Variants in TMPRSS12 observed in about 807,000 individuals in gnomAD.
TMPRSS12 encodes the protein transmembrane serine protease 12.
Under a neutral mutation model 26.0 loss-of-function variants are expected in TMPRSS12, and 25 were observed. That is an observed-to-expected ratio of 0.96 (90% CI 0.70 to 1.34). The LOEUF (loss-of-function observed/expected upper bound fraction) is 1.34, where lower values mean the gene tolerates loss of function less well. Ranked by LOEUF, TMPRSS12 falls within the 40% of genes most tolerant of loss-of-function variation. The pLI is 0.00. For synonymous variants in TMPRSS12, 150 were observed against 161.7 expected (o/e 0.93, Z 0.55); for missense variants, 441 against 440.1 (o/e 1.00, Z -0.02).
At chr12:50,844,502 T>C (rs1159748979) in intron 2 of TMPRSS12, among the ~76,000 whole-genome samples, 1 of 151,794 alleles carries the variant, frequency 6.6e-6, no homozygotes, top group Non-Finnish European at 1.5e-5. Flanking sequence ...GCCCCCGGAG[T>C]AGCTGGAATT....
At chr12:50,869,175 A>G (rs1164683394) in intron 3 of TMPRSS12, among the ~76,000 whole-genome samples, 2 of 83,684 alleles carry the variant, frequency 2.4e-5, no homozygotes, top group Admixed American at 1.3e-4. Flanking sequence ...TGAAATTGAA[A>G]CAAAAAAAAA....
intron 3 of TMPRSS12, among the ~76,000 whole-genome samples, chr12:50,881,067 T>C (rs10876109): frequency 0.77 from 113,731 of 147,742 alleles, 45,008 homozygotes; most frequent in East Asian, 1. Flanking sequence ...CCACAACCTC[T>C]GCCTCCCGGG....
At chr12:50,851,581 C>G (rs1170352888) in intron 2 of TMPRSS12, among the ~76,000 whole-genome samples, 1 of 152,060 alleles carries the variant, frequency 6.6e-6, no homozygotes, top group Admixed American at 6.6e-5. Flanking sequence ...ATTGACATCC[C>G]TAAAAGAGGG....
chr12:50,846,581 TTTTTG>T (rs1456771311), intron 2 of TMPRSS12, among the ~76,000 whole-genome samples: 4 of 152,110 alleles, frequency 2.6e-5, no homozygotes, highest in East Asian at 1.9e-4. Flanking sequence ...GTGTTTTTGT[TTTTTG>T]TTTTGTTTTT....
rs1346175975 is a variant in TMPRSS12 at position 50,887,275 on chromosome 12, G to A, written c.809G>A (p.Gly270Glu). 63 of 1,613,430 alleles carry A rather than the reference G, an allele frequency of 3.9e-5. No individual in the cohort carries two copies. The highest frequency in any genetic ancestry group is 5.0e-5 in the Non-Finnish European group (59 of 1,179,732). ...CTTTTTTGACAGGGTGACAGTGGGG[G>A]ACCATTAATGTGCTACTTACCAGAA... ...AFDTCRGDSG[G>E]PLMCYLPEYK... Residue 270 changes from glycine to glutamate, a missense_variant, in exon 5 of 5, where the codon GGA (glycine) becomes GAA (glutamate). Physicochemically the swap from Gly to Glu is moderately conservative, Grantham distance 98. Transcript: ENST00000398458.
intron 2 of TMPRSS12, among the ~76,000 whole-genome samples, chr12:50,851,213 G>A (rs1937823470): frequency 6.6e-6 from 1 of 152,146 alleles, no homozygotes. Flanking sequence ...GACTGAAATG[G>A]CTGGAATGAG....
intron 2 of TMPRSS12, among the ~76,000 whole-genome samples, chr12:50,846,605 G>A (rs949624992): frequency 6.6e-6 from 1 of 151,956 alleles, no homozygotes; most frequent in Non-Finnish European, 1.5e-5. Flanking sequence ...TTTAGACAGA[G>A]CCTTGCTTTG....
At chr12:50,874,906 A>G (rs1938098712) in intron 3 of TMPRSS12, among the ~76,000 whole-genome samples, 1 of 152,216 alleles carries the variant, frequency 6.6e-6, no homozygotes, top group Non-Finnish European at 1.5e-5. Context: ...CTACAAGGAG[A>G]ACTACAAAAT....
At chr12:50,873,039 G>A (rs569054862) in intron 3 of TMPRSS12, among the ~76,000 whole-genome samples, 85 of 151,168 alleles carry the variant, frequency 5.6e-4, no homozygotes, top group African/African-American at 2.0e-3. Flanking sequence ...CATTCGCAGC[G>A]ACCTGGATGA....
At chr12:50,869,407 G>A (rs1184407970) in intron 3 of TMPRSS12, among the ~76,000 whole-genome samples, 1 of 152,000 alleles carries the variant, frequency 6.6e-6, no homozygotes, top group East Asian at 1.9e-4. Context: ...TAGAAGGAGT[G>A]GATAAATTCC....
At chr12:50,883,362 A>G (rs1938194092) in intron 3 of TMPRSS12, among the ~76,000 whole-genome samples, 1 of 152,120 alleles carries the variant, frequency 6.6e-6, no homozygotes, top group African/African-American at 2.4e-5. Context: ...ATCATAACCA[A>G]ATTAGGTTTA....
At chr12:50,882,408 G>A (rs990418491) in intron 3 of TMPRSS12, among the ~76,000 whole-genome samples, 9 of 149,832 alleles carry the variant, frequency 6.0e-5, no homozygotes, top group Non-Finnish European at 1.0e-4. Context: ...CCCATAGAAA[G>A]CAGAAAAAAA....
intron 3 of TMPRSS12, 45 bp from the exon 4 acceptor site, chr12:50,885,199 TAA>T: frequency 6.6e-7 from 1 of 1,523,856 alleles, no homozygotes; most frequent in Non-Finnish European, 8.8e-7. Context: ...TAAATCACTG[TAA>T]AAATGTCTGC....
intron 2 of TMPRSS12, chr12:50,848,141 G>T (rs1262633405): frequency 6.7e-6 from 1 of 149,836 alleles, no homozygotes; most frequent in Non-Finnish European, 1.5e-5. Context: ...TTGGAAAGTT[G>T]ATTTCTATTT....
At chr12:50,882,646 C>A (rs1938186633) in intron 3 of TMPRSS12, among the ~76,000 whole-genome samples, 1 of 24,054 alleles carries the variant, frequency 4.2e-5, no homozygotes, top group East Asian at 1.6e-3. Context: ...GAATAAATTC[C>A]TTTGTAAATA....
intron 3 of TMPRSS12, among the ~76,000 whole-genome samples, chr12:50,863,456 C>CA (rs1188112635): frequency 3.4e-4 from 52 of 151,240 alleles, no homozygotes; most frequent in African/African-American, 1.1e-3. Context: ...AATGTCCACA[C>CA]ACAAAAAAAC....
At chr12:50,863,471 T>C (rs1158029836) in intron 3 of TMPRSS12, among the ~76,000 whole-genome samples, 1 of 152,178 alleles carries the variant, frequency 6.6e-6, no homozygotes, top group Admixed American at 6.5e-5. Context: ...AAAAACTATT[T>C]ACAGATGTTC....
At chr12:50,862,166 G>A (rs1937942629) in intron 3 of TMPRSS12, among the ~76,000 whole-genome samples, 1 of 152,136 alleles carries the variant, frequency 6.6e-6, no homozygotes, top group African/African-American at 2.4e-5. Context: ...TGAGAGCAAT[G>A]ATACCCATCA....
At chr12:50,875,231 T>G (rs1938101626) in intron 3 of TMPRSS12, among the ~76,000 whole-genome samples, 1 of 152,098 alleles carries the variant, frequency 6.6e-6, no homozygotes, top group South Asian at 2.1e-4. Context: ...GACTCTTGCC[T>G]ATAATCTCAG....
Sources: allele counts gnomAD v4.1 joint callset (sites outside exome capture counted in the v4.1 genomes callset), GRCh38; gene constraint gnomAD v4.1.1; transcripts MANE v1.5; gene names NCBI Gene and HGNC (gene_info 2026-07-23, HGNC 2026-07-21).